Variants in SUCLG1 observed in about 807,000 individuals in gnomAD.
The protein encoded by SUCLG1 is succinate-CoA ligase GDP/ADP-forming subunit alpha.
Under a neutral mutation model 37.3 loss-of-function variants are expected in SUCLG1, and 26 were observed. That is an observed-to-expected ratio of 0.70 (90% CI 0.51 to 0.97). The LOEUF is 0.97. SUCLG1 is among the 50% of genes least tolerant of loss of function. The pLI is 0.00. For missense variants in SUCLG1, 433 were observed against 432.9 expected (o/e 1.00, Z 0.00); for synonymous variants, 163 against 155.6 (o/e 1.05, Z -0.36).
intron 3 of SUCLG1, among the ~76,000 whole-genome samples, chr2:84,442,591 T>C (rs181736229): frequency 2.0e-5 from 3 of 152,328 alleles, no homozygotes; most frequent in Non-Finnish European, 4.4e-5. Flanking sequence ...CTGTAAAATT[T>C]AACTTTACTT....
At chr2:84,441,700 A>G (rs1672776397) in intron 3 of SUCLG1, among the ~76,000 whole-genome samples, 1 of 152,160 alleles carries the variant, frequency 6.6e-6, no homozygotes, top group Non-Finnish European at 1.5e-5. Flanking sequence ...CTCACTCTCT[A>G]TGGCATGTCA....
At chr2:84,443,548 A>C in intron 2 of SUCLG1, 148 bp from the exon 3 acceptor site, 3 of 778,252 alleles carry the variant, frequency 3.9e-6, no homozygotes, top group Non-Finnish European at 6.5e-6. Context: ...ATAGCTTTGA[A>C]TCTTGAAGCA....
At chr2:84,441,563 C>T (rs532785546) in intron 3 of SUCLG1, 104 bp from the exon 4 acceptor site, 1 of 1,267,970 alleles carries the variant, frequency 7.9e-7, no homozygotes, top group Non-Finnish European at 1.1e-6. Context: ...AAGAAAAGGA[C>T]ACTACCCAGA....
chr2:84,449,791 A>C, intron 1 of SUCLG1, 39 bp from the exon 2 acceptor site: 1 of 1,354,646 alleles, frequency 7.4e-7, no homozygotes, highest in Non-Finnish European at 1.0e-6. Flanking sequence ...AAAAAAAGAC[A>C]CATTATAATT....
chr2:84,431,687 T>C lies in SUCLG1; in HGVS notation c.674-28A>G, dbSNP rs370376281. On this transcript the variant is annotated intron_variant, in intron 6 of 8. Transcript: ENST00000393868. ...GAAAAAGTTGAAAAATATCAATAGCTGGAAATTTAAGGGTGAACCATGGAA... is the reference window on the plus strand; with the variant it reads ...GAAAAAGTTGAAAAATATCAATAGCCGGAAATTTAAGGGTGAACCATGGAA... 101 of 1,613,198 alleles carry C rather than the reference T, an allele frequency of 6.3e-5. No individual in the cohort carries two copies. In the African/African-American group the frequency reaches 1.2e-3, roughly 19 times the overall value.
Position 84,452,010 on chromosome 2 carries a change from G to A in SUCLG1, c.98-2258C>T, listed in dbSNP as rs1417575275. ...CAAGGTTATCATCTGGTACTGAAATGTGAGTTCGTTCATTGATTCAATCAA... is the reference window on the plus strand; with the variant it reads ...CAAGGTTATCATCTGGTACTGAAATATGAGTTCGTTCATTGATTCAATCAA... On this transcript the variant is annotated intron_variant, in intron 1 of 8. Transcript: ENST00000393868. Among the ~76,000 whole-genome samples, 5 of 152,150 alleles carry A rather than the reference G, an allele frequency of 3.3e-5. No homozygotes were observed. In the East Asian group the frequency reaches 5.8e-4, roughly 18 times the overall value.
intron 1 of SUCLG1, 85 bp from the exon 2 acceptor site, chr2:84,449,837 C>CAA: frequency 1.1e-5 from 11 of 1,021,318 alleles, no homozygotes; most frequent in African/African-American, 1.8e-5. Flanking sequence ...AACTTGATCA[C>CAA]AAAAAAAAAA....
intron 1 of SUCLG1, among the ~76,000 whole-genome samples, chr2:84,453,767 C>T (rs1170911346): frequency 6.6e-6 from 1 of 152,178 alleles, no homozygotes; most frequent in Non-Finnish European, 1.5e-5. Context: ...TGAGGTTGGC[C>T]ACCAGGAAAA....
In SUCLG1 at chr2:84,448,182, AAC is replaced by A. The variant is rs1477119315; in HGVS notation, c.201+1465_201+1466del. On this transcript the variant is annotated intron_variant, in intron 2 of 8. Transcript: ENST00000393868. Reference sequence around the variant, plus strand: ...CTCAGTTATTTCAGAAAAAAAAAAAAACAAAAAACAAAAAACAAAAAGCAAAA... The same window carrying A: ...CTCAGTTATTTCAGAAAAAAAAAAAAAAAAAACAAAAAACAAAAAGCAAAA... Among the ~76,000 whole-genome samples, 614 of 148,868 alleles carry A rather than the reference AAC, an allele frequency of 4.1e-3. 6 individuals carry two copies. The highest frequency in any genetic ancestry group is 0.014 in the African/African-American group (549 of 39,826).
intron 2 of SUCLG1, among the ~76,000 whole-genome samples, chr2:84,447,470 A>G (rs934530684): frequency 1.3e-5 from 2 of 152,234 alleles, no homozygotes; most frequent in Non-Finnish European, 2.9e-5. Context: ...TCTTACAAAA[A>G]AGCTCACAGC....
Position 84,442,967 on chromosome 2 carries a change from G to A in SUCLG1, c.318+317C>T, listed in dbSNP as rs917460747. ...TGAAACACCTAGCACAGTGCCTACT[G>A]CATAGTCCCCACTCAGGAAGAATTA... On this transcript the variant is annotated intron_variant, in intron 3 of 8. Transcript: ENST00000393868. Among the ~76,000 whole-genome samples the A allele has an allele frequency of 8.5e-5, 13 of 152,218 alleles. No homozygotes were observed. In the South Asian group the frequency reaches 1.2e-3, roughly 15 times the overall value.
chr2:84,440,097 G>A (rs553620940), intron 5 of SUCLG1, among the ~76,000 whole-genome samples: 2 of 152,116 alleles, frequency 1.3e-5, no homozygotes, highest in Non-Finnish European at 2.9e-5. Flanking sequence ...GCTAATAGCC[G>A]GGCATGGTAG....
chr2:84,445,272 G>A (rs183641658), intron 2 of SUCLG1, among the ~76,000 whole-genome samples: 1 of 152,212 alleles, frequency 6.6e-6, no homozygotes, highest in East Asian at 1.9e-4. Context: ...TTCTGCCGTG[G>A]CTTCAGCCGG....
At position 84,433,415 on chromosome 2, in the gene SUCLG1, T is replaced by G; in HGVS notation, c.610A>C (p.Thr204Pro). The change falls in exon 6 of 9, where the codon ACC becomes CCC. Residue 204 changes from threonine to proline, a missense_variant. Physicochemically the swap from Thr to Pro is conservative, Grantham distance 38. Transcript: ENST00000393868. ...TGGTGAACTGCTTCATAAGTCAGGG[T>G]GCCAGATCTGGACACAATGCCTTAA... ...GRIGIVSRSG[T>P]LTYEAVHQTT... is the part of the protein sequence containing the mutation. The G allele has an allele frequency of 6.2e-7, 1 of 1,613,916 alleles. No individual in the cohort carries two copies. Among genetic ancestry groups the G allele is most frequent in the Non-Finnish European group, 8.5e-7 (1 of 1,179,890 alleles).
intron 3 of SUCLG1, among the ~76,000 whole-genome samples, chr2:84,442,351 T>C (rs1672787478): frequency 6.6e-6 from 1 of 152,180 alleles, no homozygotes; most frequent in South Asian, 2.1e-4. Flanking sequence ...CTTAAAAATA[T>C]GCAAAAGAAG....
At position 84,433,301 on chromosome 2, in the gene SUCLG1, C is replaced by G. The variant is rs373217552; in HGVS notation, c.673+51G>C. 6.8e-5 allele frequency: 94 copies of G among 1,390,882 alleles called. 1 individual carries two copies. The African/African-American group carries it at 1.1e-3, about 16-fold the overall frequency. 86.2% of individuals were successfully genotyped at this position (1,390,882 alleles called of 1,614,324 possible). On this transcript the variant is annotated intron_variant, in intron 6 of 8. Transcript: ENST00000393868. ...AATCAATAATTATTATTATACTCATCCAATGAAGACACCACACTCCAATAA... is the reference window on the plus strand; with the variant it reads ...AATCAATAATTATTATTATACTCATGCAATGAAGACACCACACTCCAATAA...
intron 8 of SUCLG1, 89 bp downstream of exon 8, chr2:84,425,326 G>T: frequency 6.6e-7 from 1 of 1,522,346 alleles, no homozygotes; most frequent in South Asian, 1.1e-5. Flanking sequence ...AGTCCCAGAA[G>T]CAAAGGCCAT....
chr2:84,423,887 A>G, intron 8 of SUCLG1, 115 bp from the exon 9 acceptor site: 1 of 1,121,658 alleles, frequency 8.9e-7, no homozygotes, highest in South Asian at 1.4e-5. Flanking sequence ...TCCCCTGAAC[A>G]ATCAAATTAC....
intron 5 of SUCLG1, among the ~76,000 whole-genome samples, chr2:84,435,862 GTC>G (rs1558610211): frequency 6.6e-6 from 1 of 152,166 alleles, no homozygotes; most frequent in Admixed American, 6.5e-5. Flanking sequence ...AGGGTGTGCT[GTC>G]TCTTTAAATA....
Sources: allele counts gnomAD v4.1 joint callset (sites outside exome capture counted in the v4.1 genomes callset), GRCh38; gene constraint gnomAD v4.1.1; transcripts MANE v1.5; gene names NCBI Gene and HGNC (gene_info 2026-07-23, HGNC 2026-07-21).